Variants in DMXL1 observed in about 807,000 individuals in gnomAD.
The protein encoded by DMXL1 is dmX-like protein 1.
DMXL1 carries 99 observed loss-of-function variants against 319.2 expected under a neutral mutation model. That is an observed-to-expected ratio of 0.31 (90% CI 0.26 to 0.37). The LOEUF (loss-of-function observed/expected upper bound fraction) is 0.37, where lower values mean the gene tolerates loss of function less well. DMXL1 is among the 10% of genes least tolerant of loss of function. The probability of loss-of-function intolerance (pLI) is 1.00; values close to 1 mark genes in which losing one functional copy is unlikely to be tolerated. For synonymous variants in DMXL1, 1,385 were observed against 1,235.2 expected, an observed-to-expected ratio of 1.12 and a Z score of -2.54; for missense variants, 3,745 against 3,595.6, an observed-to-expected ratio of 1.04 and a Z score of -1.06.
chr5:119,158,458 A>G (rs766935579), intron 19 of DMXL1, among the ~76,000 whole-genome samples: 1 of 152,046 alleles, frequency 6.6e-6, no homozygotes, highest in Non-Finnish European at 1.5e-5. Context: ...TCCTATTTGG[A>G]TGCCTTTTTA....
intron 32 of DMXL1, among the ~76,000 whole-genome samples, chr5:119,202,865 ATATATATATATATATATTTT>A (rs1386896966): frequency 2.4e-3 from 151 of 63,936 alleles, no homozygotes; most frequent in Admixed American, 7.3e-3. Context: ...ATATACATAC[ATATATATATATATATATTTT>A]TATATATATA....
At chr5:119,237,815 G>C (rs1788035364) in intron 40 of DMXL1, among the ~76,000 whole-genome samples, 1 of 151,904 alleles carries the variant, frequency 6.6e-6, no homozygotes, top group South Asian at 2.1e-4. Context: ...TCCTATAGCT[G>C]GTACTGTTAT....
Position 119,118,834 on chromosome 5 carries a change from C to G in DMXL1, c.763C>G (p.Leu255Val). ...CCTTAGGGCTTCTGTATGTAATGTA[C>G]TGTTGACTTGCTGCAAAGATAATGT... ...YMPRASVCNV[L>V]LTCCKDNVCR... The change falls in exon 8 of 44, where the codon CTG becomes GTG. Residue 255 changes from leucine to valine, a missense_variant. Physicochemically the swap from Leu to Val is conservative, Grantham distance 32. Coordinates refer to ENST00000539542, the MANE Select transcript of DMXL1 (RefSeq NM_001290321.3). The G allele has an allele frequency of 6.2e-7, 1 of 1,612,596 alleles. No homozygotes were observed. The highest frequency in any genetic ancestry group is 8.5e-7 in the Non-Finnish European group (1 of 1,179,492).
chr5:119,147,606 T>C lies in DMXL1; in HGVS notation c.2911+136T>C, dbSNP rs1581012651. On this transcript the variant is annotated intron_variant, in intron 17 of 43. Transcript: ENST00000539542. The stretch of plus-strand genomic sequence containing the variant: ...AAATAATATATTCAAGTACCCTAAA[T>C]TGAAGACTTATAGTTCTCATTATGT... 4 of 606,398 alleles carry C rather than the reference T, an allele frequency of 6.6e-6. No homozygotes were observed. In the East Asian group the frequency reaches 1.1e-4, roughly 17 times the overall value. The allele number at this position is 606,398 out of a possible 1,614,324, so 37.6% of individuals were successfully genotyped here.
intron 5 of DMXL1, among the ~76,000 whole-genome samples, chr5:119,113,288 G>C (rs980468800): frequency 1.3e-5 from 2 of 152,112 alleles, no homozygotes; most frequent in Non-Finnish European, 2.9e-5. Context: ...TGTCACCCAG[G>C]CTGAGTATGG....
intron 13 of DMXL1, among the ~76,000 whole-genome samples, chr5:119,136,948 T>C (rs758779258): frequency 5.3e-5 from 8 of 152,196 alleles, no homozygotes; most frequent in Non-Finnish European, 1.2e-4. Context: ...CACTGGGGCC[T>C]CATGGAACTG....
intron 5 of DMXL1, among the ~76,000 whole-genome samples, chr5:119,112,457 G>A (rs1308960031): frequency 6.6e-6 from 1 of 152,134 alleles, no homozygotes; most frequent in African/African-American, 2.4e-5. Context: ...CAGTAAACTG[G>A]TGTAACAGGA....
At chr5:119,173,798 A>ATATAT (rs1307519155) in intron 25 of DMXL1, among the ~76,000 whole-genome samples, 17 of 126,610 alleles carry the variant, frequency 1.3e-4, no homozygotes, top group Middle Eastern at 3.9e-3. Context: ...ATATATATAT[A>ATATAT]ATGAGAGAGA....
chr5:119,077,615 C>T (rs1263288756), intron 1 of DMXL1, among the ~76,000 whole-genome samples: 3 of 140,868 alleles, frequency 2.1e-5, no homozygotes, highest in African/African-American at 8.0e-5. Context: ...GGACCACAGA[C>T]ACGTGCCACC....
At position 119,196,499 on chromosome 5, in the gene DMXL1, G is replaced by C. The variant is rs770530604; in HGVS notation, c.7543+43G>C. On this transcript the variant is annotated intron_variant, in intron 31 of 43. Coordinates refer to ENST00000539542, the MANE Select transcript of DMXL1 (RefSeq NM_001290321.3). ...ATGAGCTAATGGTGCCATTGCTTTT[G>C]ACTTACTACTCTGTTGTTTTTTTTT... 1.7e-5 allele frequency: 20 copies of C among 1,188,222 alleles called. No homozygotes were observed. The East Asian group carries it at 4.5e-4, about 26-fold the overall frequency. 73.6% of individuals were successfully genotyped at this position (1,188,222 alleles called of 1,614,324 possible). A position where few individuals can be genotyped will look rare whatever the true frequency, so the allele number is the denominator to read the frequency against.
At chr5:119,209,442 T>C (rs1018258770) in intron 34 of DMXL1, among the ~76,000 whole-genome samples, 1 of 151,862 alleles carries the variant, frequency 6.6e-6, no homozygotes, top group Non-Finnish European at 1.5e-5. Context: ...CTTGACCTCC[T>C]GGGCTCAAGC....
chr5:119,151,176 C>T (rs1769709752), intron 18 of DMXL1, among the ~76,000 whole-genome samples: 2 of 151,538 alleles, frequency 1.3e-5, no homozygotes, highest in Admixed American at 1.3e-4. Flanking sequence ...TTAATGTATG[C>T]TCCTACCTAG....
chr5:119,091,132 C>G (rs1754712667), intron 1 of DMXL1, among the ~76,000 whole-genome samples: 1 of 152,020 alleles, frequency 6.6e-6, no homozygotes. Context: ...TCAGAGAGCT[C>G]ACATATCGCC....
At chr5:119,199,858 T>C (rs1399265044) in intron 32 of DMXL1, among the ~76,000 whole-genome samples, 1 of 152,220 alleles carries the variant, frequency 6.6e-6, no homozygotes, top group Non-Finnish European at 1.5e-5. Flanking sequence ...CTTAGGCTTA[T>C]TGGCACGTAC....
intron 34 of DMXL1, among the ~76,000 whole-genome samples, chr5:119,215,090 G>A (rs1188349256): frequency 6.6e-6 from 1 of 152,198 alleles, no homozygotes; most frequent in East Asian, 1.9e-4. Context: ...TGTAGTCAGA[G>A]CTGAGACTTT....
intron 32 of DMXL1, among the ~76,000 whole-genome samples, chr5:119,199,149 A>T (rs1162693896): frequency 6.6e-6 from 1 of 151,892 alleles, no homozygotes; most frequent in South Asian, 2.1e-4. Flanking sequence ...CAGCCCCCCA[A>T]AGTGCTGGGA....
At chr5:119,094,419 C>T (rs557021222) in intron 1 of DMXL1, among the ~76,000 whole-genome samples, 49 of 152,268 alleles carry the variant, frequency 3.2e-4, no homozygotes, top group African/African-American at 7.5e-4. Flanking sequence ...ATTTCCAGCC[C>T]GCTGTTGAGA....
At chr5:119,141,115 A>G (rs1767231423) in intron 13 of DMXL1, among the ~76,000 whole-genome samples, 1 of 152,194 alleles carries the variant, frequency 6.6e-6, no homozygotes, top group African/African-American at 2.4e-5. Context: ...CAGAATAATA[A>G]GAGCTATCTT....
chr5:119,119,717 C>G lies in DMXL1; in HGVS notation c.933+713C>G, dbSNP rs558274857. ...TAGGGAGAGGGCTTTACCATGTTTGCCAGGGCTGGTCTCGAACTCTTGACC... is the reference window on the plus strand; with the variant it reads ...TAGGGAGAGGGCTTTACCATGTTTGGCAGGGCTGGTCTCGAACTCTTGACC... On this transcript the variant is annotated intron_variant, in intron 8 of 43. Transcript: ENST00000539542. 3.3e-5 allele frequency among the ~76,000 whole-genome samples: 5 copies of G among 152,050 alleles called. No individual in the cohort carries two copies. In the East Asian group the frequency reaches 7.7e-4, roughly 24 times the overall value.
Sources: gnomAD v4.1 joint callset for allele counts (sites outside exome capture counted in the v4.1 genomes callset) on GRCh38, gnomAD v4.1.1 for gene constraint, MANE v1.5 for transcripts, NCBI Gene and HGNC (gene_info 2026-07-23, HGNC 2026-07-21) for gene names.